The following ALDH9A1 variants were observed in gnomAD, a reference collection of about 807,000 sequenced individuals.
ALDH9A1 encodes the protein 4-trimethylaminobutyraldehyde dehydrogenase.
In ALDH9A1, 42 loss-of-function variants were observed where a neutral mutation model predicts 56.6. That is an observed-to-expected ratio of 0.74 (90% CI 0.58 to 0.96). The LOEUF (loss-of-function observed/expected upper bound fraction) is 0.96, where lower values mean the gene tolerates loss of function less well. Ranked by LOEUF, ALDH9A1 falls within the 40% of genes least tolerant of loss-of-function variation. The pLI, the probability that ALDH9A1 is intolerant of heterozygous loss-of-function variation, is 0.00. For missense variants in ALDH9A1, 661 were observed against 651.5 expected (o/e 1.01, Z -0.16); for synonymous variants, 242 against 236.0 (o/e 1.03, Z -0.23).
rs1396359747 is a variant in ALDH9A1, at chr1:165,671,220, T to C, written c.931-1770A>G. 1.5e-5 allele frequency: 3 copies of C among 205,750 alleles called. No individual in the cohort carries two copies. The Admixed American group carries it at 1.7e-4, about 11-fold the overall frequency. 12.7% of individuals were successfully genotyped at this position (205,750 alleles called of 1,614,324 possible). Reference sequence around the variant, plus strand: ...GAAATAGGTACTCATGCATCGTTAGTAAGAATGTTCCTTTTGCTGCCTGAC... The same window carrying C: ...GAAATAGGTACTCATGCATCGTTAGCAAGAATGTTCCTTTTGCTGCCTGAC... On this transcript the variant is annotated intron_variant, in intron 6 of 10. Coordinates refer to ENST00000354775, the MANE Select transcript of ALDH9A1 (RefSeq NM_000696.4).
At chr1:165,672,758 G>A (rs201419545) in intron 6 of ALDH9A1, among the ~76,000 whole-genome samples, 1 of 151,838 alleles carries the variant, frequency 6.6e-6, no homozygotes, top group Non-Finnish European at 1.5e-5. Flanking sequence ...GCAACATGGC[G>A]AAATCTCATC....
chr1:165,687,999 GAAAGA>G lies in ALDH9A1; in HGVS notation c.328-4894_328-4890del, dbSNP rs200307109. On this transcript the variant is annotated intron_variant, in intron 2 of 10. Transcript: ENST00000354775. ...AGAGACTCCTCTCAAAAAAAAAAGA[GAAAGA>G]AAAGAAAAGAAAAGAAATTAATTAA... 8.6e-3 allele frequency among the ~76,000 whole-genome samples: 1,032 copies of G among 119,730 alleles called. 12 individuals carry two copies. Among genetic ancestry groups the G allele is most frequent in the African/African-American group, 0.029 (928 of 32,344 alleles). The allele number at this position is 119,730 out of a possible 152,430, so 78.5% of individuals were successfully genotyped here.
intron 7 of ALDH9A1, 116 bp downstream of exon 7, chr1:165,669,146 C>CT (rs1185619406): frequency 3.8e-6 from 5 of 1,316,012 alleles, no homozygotes; most frequent in Non-Finnish European, 5.3e-6. Context: ...GCCAGGGATG[C>CT]TAATAGTCCA....
chr1:165,664,037 G>T (rs1275992748), intron 10 of ALDH9A1, among the ~76,000 whole-genome samples: 1 of 152,172 alleles, frequency 6.6e-6, no homozygotes, highest in African/African-American at 2.4e-5. Context: ...GGGACTATCA[G>T]AAACTTAACA....
At chr1:165,687,656 C>A (rs1374588689) in intron 2 of ALDH9A1, among the ~76,000 whole-genome samples, 1 of 152,094 alleles carries the variant, frequency 6.6e-6, no homozygotes, top group African/African-American at 2.4e-5. Context: ...TTTAGACATA[C>A]AGAATCTGAA....
At chr1:165,688,197 G>C (rs916072787) in intron 2 of ALDH9A1, among the ~76,000 whole-genome samples, 3 of 151,982 alleles carry the variant, frequency 2.0e-5, no homozygotes, top group African/African-American at 7.3e-5. Context: ...TGAGTCTGTA[G>C]TCCCAGCTAC....
At chr1:165,664,212 C>T (rs1400013635) in intron 10 of ALDH9A1, among the ~76,000 whole-genome samples, 1 of 152,114 alleles carries the variant, frequency 6.6e-6, no homozygotes, top group Non-Finnish European at 1.5e-5. Context: ...TTTGCCAACA[C>T]TGTGATGGCT....
intron 2 of ALDH9A1, among the ~76,000 whole-genome samples, chr1:165,687,249 T>C (rs1442247102): frequency 6.6e-6 from 1 of 151,662 alleles, no homozygotes; most frequent in East Asian, 1.9e-4. Flanking sequence ...CAGCCCAATA[T>C]ATGTGTAATT....
chr1:165,695,539 A>G (rs1388779022), intron 1 of ALDH9A1, 142 bp from the exon 2 acceptor site: 35 of 846,154 alleles, frequency 4.1e-5, no homozygotes, highest in Admixed American at 5.0e-5. Context: ...TCTGTCACCC[A>G]GGCTGGAGTG....
rs548467210 is a variant in ALDH9A1 at position 165,673,541 on chromosome 1, G to A, written c.931-4091C>T. Among the ~76,000 whole-genome samples, 249 of 152,178 alleles carry A rather than the reference G, an allele frequency of 1.6e-3. 3 individuals are homozygous for A. The highest frequency in any genetic ancestry group is 5.8e-3 in the African/African-American group (241 of 41,516). On this transcript the variant is annotated intron_variant, in intron 6 of 10. Coordinates refer to ENST00000354775, the MANE Select transcript of ALDH9A1 (RefSeq NM_000696.4). ...ACATCTTTCTGGCAAACCATGGAAG[G>A]GACAATACTGAGGAGATCCTCCCGA...
intron 8 of ALDH9A1, 136 bp from the exon 9 acceptor site, chr1:165,667,586 C>T (rs1649048220): frequency 3.5e-6 from 3 of 848,524 alleles, no homozygotes; most frequent in South Asian, 3.7e-5. Flanking sequence ...AGCGATCCTC[C>T]TGCCTCAGCC....
rs1357734311 is a variant in ALDH9A1 at position 165,663,986 on chromosome 1, G to A, written c.1463-842C>T. Reference sequence around the variant, plus strand: ...GGGAAAGTTAGGAGGCCCTCCAAAGGCCTAAGCTGCTGATTCCAAACAAAT... The same window carrying A: ...GGGAAAGTTAGGAGGCCCTCCAAAGACCTAAGCTGCTGATTCCAAACAAAT... On this transcript the variant is annotated intron_variant, in intron 10 of 10. Coordinates refer to ENST00000354775, the MANE Select transcript of ALDH9A1 (RefSeq NM_000696.4). Among the ~76,000 whole-genome samples, 3 of 152,314 alleles carry A rather than the reference G, an allele frequency of 2.0e-5. No homozygotes were observed. The East Asian group carries it at 5.8e-4, about 29-fold the overall frequency.
At chr1:165,679,224 C>T (rs865935355) in intron 6 of ALDH9A1, among the ~76,000 whole-genome samples, 1 of 152,130 alleles carries the variant, frequency 6.6e-6, no homozygotes, top group African/African-American at 2.4e-5. Flanking sequence ...ACTTAATATG[C>T]CTACGTATGT....
chr1:165,674,946 A>C (rs1649301855), intron 6 of ALDH9A1, among the ~76,000 whole-genome samples: 1 of 152,154 alleles, frequency 6.6e-6, no homozygotes, highest in African/African-American at 2.4e-5. Flanking sequence ...ATAATCCCAC[A>C]CTTTGGAAGG....
At chr1:165,688,513 T>G (rs1196250979) in intron 2 of ALDH9A1, among the ~76,000 whole-genome samples, 1 of 152,202 alleles carries the variant, frequency 6.6e-6, no homozygotes, top group East Asian at 1.9e-4. Context: ...ATACTTTTTT[T>G]TAAATTCCAG....
chr1:165,671,516 G>A (rs1042439381), intron 6 of ALDH9A1: 26 of 456,304 alleles, frequency 5.7e-5, no homozygotes, highest in African/African-American at 1.8e-4. Flanking sequence ...CTAAGGGACC[G>A]CTCCTAATCT....
At chr1:165,670,847 G>A (rs748923834) in intron 6 of ALDH9A1, among the ~76,000 whole-genome samples, 1 of 152,242 alleles carries the variant, frequency 6.6e-6, no homozygotes, top group African/African-American at 2.4e-5. Flanking sequence ...TGAGGCAGGT[G>A]GATCACTAGA....
At chr1:165,673,642 G>A (rs1571170069) in intron 6 of ALDH9A1, among the ~76,000 whole-genome samples, 4 of 152,060 alleles carry the variant, frequency 2.6e-5, no homozygotes, top group African/African-American at 7.2e-5. Context: ...AGTTATAAGC[G>A]ACCCTCACCC....
Position 165,680,533 on chromosome 1 carries a change from T to A in ALDH9A1, c.743A>T (p.Asp248Val). 6.2e-7 allele frequency: 1 copy of A among 1,614,188 alleles called. No individual in the cohort carries two copies. The highest frequency in any genetic ancestry group is 8.5e-7 in the Non-Finnish European group (1 of 1,180,018). The change falls in exon 5 of 11, where the codon GAT becomes GTT. Residue 248 changes from aspartate (D) to valine (V), a missense_variant. Coordinates refer to ENST00000354775, the MANE Select transcript of ALDH9A1 (RefSeq NM_000696.4). ...ATGQFLCQHPDVAKVSFTGSV... is the reference protein window; with the variant it reads ...ATGQFLCQHPVVAKVSFTGSV... ...TCCAGTGAAGGAGACTTTGGCCACA[T>A]CGGGATGCTGACACAGAAACTGGCC...
Sources: gnomAD v4.1 joint callset for allele counts (sites outside exome capture counted in the v4.1 genomes callset) on GRCh38, gnomAD v4.1.1 for gene constraint, MANE v1.5 for transcripts, NCBI Gene and HGNC (gene_info 2026-07-23, HGNC 2026-07-21) for gene names.